Variants in EYA1 observed in about 807,000 individuals in gnomAD.
The protein encoded by EYA1 is protein phosphatase EYA1.
In EYA1, 16 loss-of-function variants were observed where a neutral mutation model predicts 82.0. The ratio of observed to expected loss-of-function variants is 0.20; its 90% CI spans 0.13 to 0.30. The LOEUF is 0.30. Among genes scored for constraint, EYA1 ranks in the 10% least tolerant of loss-of-function variants. The pLI is 1.00. For missense variants in EYA1, 633 were observed against 730.7 expected, an observed-to-expected ratio of 0.87 and a Z score of 1.54; for synonymous variants, 261 against 264.4, an observed-to-expected ratio of 0.99 and a Z score of 0.12.
At chr8:71,445,741 C>A (rs1000840511) in intron 2 of EYA1, among the ~76,000 whole-genome samples, 2 of 152,170 alleles carry the variant, frequency 1.3e-5, no homozygotes, top group Non-Finnish European at 2.9e-5. Context: ...CGGGTTCACA[C>A]CATTCTCCTG....
At chr8:71,518,733 T>G (rs1330111618) in intron 2 of EYA1, among the ~76,000 whole-genome samples, 3 of 152,204 alleles carry the variant, frequency 2.0e-5, no homozygotes, top group Non-Finnish European at 2.9e-5. Flanking sequence ...AATTTCTTTT[T>G]GTTCAAATTA....
intron 9 of EYA1, among the ~76,000 whole-genome samples, chr8:71,281,291 C>T (rs569732049): frequency 1.7e-4 from 26 of 152,188 alleles, no homozygotes; most frequent in Non-Finnish European, 3.2e-4. Flanking sequence ...CTCATACTCA[C>T]AATGGGCTGC....
chr8:71,323,545 A>G (rs543964101), intron 4 of EYA1, among the ~76,000 whole-genome samples: 1 of 152,346 alleles, frequency 6.6e-6, no homozygotes, highest in Non-Finnish European at 1.5e-5. Flanking sequence ...AAAACAAACA[A>G]GGCCTGTCCA....
chr8:71,472,950 T>C (rs1036640500), intron 2 of EYA1, among the ~76,000 whole-genome samples: 2 of 151,686 alleles, frequency 1.3e-5, no homozygotes, highest in Non-Finnish European at 2.9e-5. Context: ...ACAAATAGTA[T>C]AAAGCAATGG....
intron 2 of EYA1, among the ~76,000 whole-genome samples, chr8:71,489,222 T>G (rs1449025933): frequency 2.0e-5 from 3 of 152,204 alleles, no homozygotes; most frequent in African/African-American, 7.2e-5. Flanking sequence ...TCCACCTACT[T>G]CTTGAGCCAC....
chr8:71,511,786 G>A (rs1334386960), intron 2 of EYA1, among the ~76,000 whole-genome samples: 1 of 152,128 alleles, frequency 6.6e-6, no homozygotes, highest in African/African-American at 2.4e-5. Flanking sequence ...TAAAAATTTG[G>A]AGAATGTATG....
intron 2 of EYA1, among the ~76,000 whole-genome samples, chr8:71,401,946 A>G (rs1829980937): frequency 6.6e-6 from 1 of 152,216 alleles, no homozygotes; most frequent in Non-Finnish European, 1.5e-5. Flanking sequence ...GAGTGGATTA[A>G]GGATGCCAGT....
intron 16 of EYA1, among the ~76,000 whole-genome samples, chr8:71,214,097 G>T (rs1040700240): frequency 3.3e-5 from 5 of 152,178 alleles, no homozygotes; most frequent in Non-Finnish European, 5.9e-5. Flanking sequence ...GCAAACGGAA[G>T]TTAGACCTAC....
chr8:71,249,982 C>T (rs769877694), intron 11 of EYA1, among the ~76,000 whole-genome samples: 14 of 151,966 alleles, frequency 9.2e-5, no homozygotes, highest in Non-Finnish European at 1.9e-4. Flanking sequence ...CTCTGTCACT[C>T]GGACCATAAA....
intron 3 of EYA1, among the ~76,000 whole-genome samples, chr8:71,336,426 A>G (rs935036898): frequency 6.6e-6 from 1 of 152,216 alleles, no homozygotes; most frequent in Non-Finnish European, 1.5e-5. Context: ...TGAGATGTCA[A>G]TCAAGGTTAC....
chr8:71,505,674 C>A (rs1387516921), intron 2 of EYA1, among the ~76,000 whole-genome samples: 2 of 152,204 alleles, frequency 1.3e-5, no homozygotes, highest in Non-Finnish European at 2.9e-5. Context: ...GCTTGGAGAA[C>A]CTGGCCTGCT....
intron 4 of EYA1, among the ~76,000 whole-genome samples, chr8:71,323,266 A>G (rs890092234): frequency 2.0e-5 from 3 of 152,058 alleles, no homozygotes; most frequent in African/African-American, 7.3e-5. Context: ...GCTAAGATGC[A>G]TATTCCTTGG....
At chr8:71,366,064 C>A (rs548560872), upstream of EYA1, among the ~76,000 whole-genome samples, 1 of 151,936 alleles carries the variant, frequency 6.6e-6, no homozygotes, top group African/African-American at 2.4e-5. Context: ...CTAAAGAGCA[C>A]GTTGATTATT....
chr8:71,371,371 G>C (rs1366618529), intron 2 of EYA1, among the ~76,000 whole-genome samples: 2 of 152,124 alleles, frequency 1.3e-5, no homozygotes, highest in African/African-American at 4.8e-5. Context: ...AACACTGTTA[G>C]CCAGTGATCA....
intron 2 of EYA1, among the ~76,000 whole-genome samples, chr8:71,407,096 A>T (rs1196744160): frequency 9.7e-6 from 1 of 103,260 alleles, no homozygotes; most frequent in African/African-American, 3.2e-5. Context: ...ACTGGGAGGC[A>T]CCCCCCAGCA....
chr8:71,400,866 A>G (rs924569168), intron 2 of EYA1, among the ~76,000 whole-genome samples: 2 of 152,152 alleles, frequency 1.3e-5, no homozygotes, highest in African/African-American at 4.8e-5. Flanking sequence ...ATTTACAATG[A>G]CAAAGGCATG....
chr8:71,199,438 A>G lies in EYA1; in HGVS notation c.1699-18T>C, dbSNP rs2128801750. 6.2e-7 allele frequency: 1 copy of G among 1,601,998 alleles called. No homozygotes were observed. Among genetic ancestry groups the G allele is most frequent in the Middle Eastern group, 1.7e-4 (1 of 6,040 alleles). Reference sequence around the variant, plus strand: ...ATCGCGTGCTGCAGCAGAGGCACACATACATGTGAGGACAGAGCACCCAGC... The same window carrying G: ...ATCGCGTGCTGCAGCAGAGGCACACGTACATGTGAGGACAGAGCACCCAGC... On this transcript the variant is annotated intron_variant, in intron 17 of 17. Coordinates refer to ENST00000340726, the MANE Select transcript of EYA1 (RefSeq NM_000503.6).
chr8:71,463,610 T>C (rs1808544481), intron 2 of EYA1, among the ~76,000 whole-genome samples: 13 of 133,950 alleles, frequency 9.7e-5, no homozygotes, highest in African/African-American at 3.5e-4. Flanking sequence ...TCTCTCTCTC[T>C]CTCTCTCTCT....
intron 1 of EYA1, among the ~76,000 whole-genome samples, chr8:71,360,627 TG>T (rs1827287374): frequency 6.6e-6 from 1 of 152,180 alleles, no homozygotes; most frequent in Non-Finnish European, 1.5e-5. Flanking sequence ...TATTTGATAA[TG>T]CAAAAGCATG....
Sources: gnomAD v4.1 joint callset for allele counts (sites outside exome capture counted in the v4.1 genomes callset) on GRCh38, gnomAD v4.1.1 for gene constraint, MANE v1.5 for transcripts, NCBI Gene and HGNC (gene_info 2026-07-23, HGNC 2026-07-21) for gene names.